Variants in SYNE2 observed in about 807,000 individuals in gnomAD.
The protein encoded by SYNE2 is nesprin-2.
SYNE2 carries 431 observed loss-of-function variants against 856.3 expected under a neutral mutation model. That is an observed-to-expected ratio of 0.50 (90% CI 0.47 to 0.55). The LOEUF (loss-of-function observed/expected upper bound fraction) is 0.55. SYNE2 is among the 20% of genes least tolerant of loss of function. The pLI, the probability that SYNE2 is intolerant of heterozygous loss-of-function variation, is 0.00. For synonymous variants in SYNE2, 2,923 were observed against 2,872.3 expected (o/e 1.02, Z -0.56); for missense variants, 8,129 against 8,023.2 (o/e 1.01, Z -0.50).
At chr14:63,789,167 C>G (rs1887643218) in intron 1 of SYNE2, among the ~76,000 whole-genome samples, 1 of 152,166 alleles carries the variant, frequency 6.6e-6, no homozygotes. Context: ...TCTGATGCAT[C>G]AAATATTTCA....
chr14:64,013,439 A>C lies in SYNE2; in HGVS notation c.4729-3034A>C, dbSNP rs147522264. Among the ~76,000 whole-genome samples the C allele has an allele frequency of 2.6e-5, 4 of 151,916 alleles. No homozygotes were observed. In the East Asian group the frequency reaches 7.7e-4, roughly 29 times the overall value. ...GGAACCTATCACCCAAATAGTGGAC[A>C]TTGTACCCAATAGGTAAATTTTCAG... On this transcript the variant is annotated intron_variant, in intron 32 of 115. Transcript: ENST00000555002.
intron 83 of SYNE2, among the ~76,000 whole-genome samples, chr14:64,144,258 T>C (rs2098163700): frequency 2.0e-5 from 3 of 152,208 alleles, no homozygotes; most frequent in Admixed American, 1.3e-4. Flanking sequence ...ACATTTTCTA[T>C]GAAAGCAGAT....
intron 96 of SYNE2, among the ~76,000 whole-genome samples, chr14:64,179,368 G>A (rs2098448163): frequency 6.6e-6 from 1 of 151,914 alleles, no homozygotes; most frequent in Non-Finnish European, 1.5e-5. Flanking sequence ...TGAACTCCTG[G>A]GGCCTCAAGC....
At chr14:64,068,438 T>G (rs1255971) in intron 51 of SYNE2, among the ~76,000 whole-genome samples, 111,787 of 151,974 alleles carry the variant, frequency 0.74, 43,597 homozygotes, top group Non-Finnish European at 0.87. Context: ...TTGAAATTCT[T>G]GCTGCTGCTT....
chr14:64,142,229 T>A, intron 82 of SYNE2, 141 bp downstream of exon 82: 1 of 984,404 alleles, frequency 1.0e-6, no homozygotes. Flanking sequence ...TGGATGATTC[T>A]GGAGAGATGT....
intron 11 of SYNE2, among the ~76,000 whole-genome samples, chr14:63,970,751 C>T (rs1433629592): frequency 4.2e-5 from 6 of 143,096 alleles, no homozygotes; most frequent in Admixed American, 3.0e-4. Flanking sequence ...CCTCCGGGTT[C>T]GAGCGATTCT....
intron 1 of SYNE2, among the ~76,000 whole-genome samples, chr14:63,887,678 G>T (rs73263898): frequency 4.1e-4 from 61 of 150,524 alleles, no homozygotes; most frequent in African/African-American, 1.4e-3. Flanking sequence ...CCCATTCCTA[G>T]TATTTGAAAT....
chr14:63,885,898 T>A (rs1434378253), intron 1 of SYNE2, among the ~76,000 whole-genome samples: 1 of 152,194 alleles, frequency 6.6e-6, no homozygotes, highest in Non-Finnish European at 1.5e-5. Context: ...TCCTTTCCCA[T>A]GGGGAGATAA....
chr14:63,867,406 A>C (rs1410801114), intron 1 of SYNE2, among the ~76,000 whole-genome samples: 2 of 146,104 alleles, frequency 1.4e-5, no homozygotes, highest in African/African-American at 2.5e-5. Context: ...AAAGAGAGAG[A>C]GAGAGAAAGG....
intron 50 of SYNE2, among the ~76,000 whole-genome samples, chr14:64,064,994 A>C (rs778876991): frequency 1.1e-4 from 17 of 151,774 alleles, no homozygotes; most frequent in Non-Finnish European, 2.2e-4. Context: ...CCTCCTGAGT[A>C]GCTGGGACTA....
intron 2 of SYNE2, among the ~76,000 whole-genome samples, chr14:63,912,975 C>G (rs1322720323): frequency 6.6e-6 from 1 of 152,106 alleles, no homozygotes; most frequent in East Asian, 1.9e-4. Flanking sequence ...GCTCTGTCAC[C>G]CAGGCTGGAG....
intron 73 of SYNE2, among the ~76,000 whole-genome samples, chr14:64,127,608 C>T (rs1456009956): frequency 6.6e-6 from 1 of 152,096 alleles, no homozygotes; most frequent in Non-Finnish European, 1.5e-5. Context: ...GAATGACAAT[C>T]CGTGTATGTT....
At chr14:63,909,617 G>A (rs1237623519) in intron 2 of SYNE2, among the ~76,000 whole-genome samples, 3 of 152,112 alleles carry the variant, frequency 2.0e-5, no homozygotes, top group South Asian at 2.1e-4. Context: ...CGAGGCGGGC[G>A]GATCACCCAA....
chr14:64,221,637 A>G lies in SYNE2; in HGVS notation c.20123A>G (p.Gln6708Arg), dbSNP rs893769089. Residue 6708 changes from glutamine to arginine, a missense_variant, in exon 112 of 116, where the codon CAG (glutamine) becomes CGG (arginine). Gln to Arg is a conservative substitution (Grantham distance 43). Transcript: ENST00000555002. ...LWLASAKNRRQKAHVTDPKAD... is the reference protein window; with the variant it reads ...LWLASAKNRRRKAHVTDPKAD... The stretch of plus-strand genomic sequence containing the variant: ...TTAGCGAGTGCCAAGAACCGGAGGC[A>G]GAAGGCTCATGTCACCGATCCAAAG... The G allele has an allele frequency of 3.1e-6, 5 of 1,614,190 alleles. No homozygotes were observed. The highest frequency in any genetic ancestry group is 4.2e-6 in the Non-Finnish European group (5 of 1,180,030).
chr14:63,930,621 G>A (rs1195710284), intron 2 of SYNE2, among the ~76,000 whole-genome samples: 1 of 148,830 alleles, frequency 6.7e-6, no homozygotes, highest in African/African-American at 2.5e-5. Context: ...GCAAACCTTC[G>A]CCTCCCAAGT....
chr14:64,148,831 G>A (rs954489109), intron 84 of SYNE2, among the ~76,000 whole-genome samples: 5 of 152,272 alleles, frequency 3.3e-5, no homozygotes, highest in Admixed American at 6.5e-5. Flanking sequence ...TCGTCTACCA[G>A]ATTGTGGGAT....
At chr14:63,980,353 G>A (rs2096576434) in intron 14 of SYNE2, among the ~76,000 whole-genome samples, 1 of 152,210 alleles carries the variant, frequency 6.6e-6, no homozygotes, top group Non-Finnish European at 1.5e-5. Context: ...CAAAGTAGGA[G>A]ATCCTGAAAT....
At chr14:63,837,270 A>G (rs1316741997) in intron 1 of SYNE2, among the ~76,000 whole-genome samples, 1 of 152,244 alleles carries the variant, frequency 6.6e-6, no homozygotes. Context: ...GGACCCCTAC[A>G]TCACACAATA....
intron 23 of SYNE2, among the ~76,000 whole-genome samples, chr14:63,996,106 C>T (rs971841286): frequency 3.3e-5 from 5 of 152,168 alleles, no homozygotes; most frequent in African/African-American, 9.7e-5. Context: ...CAAAACTGAA[C>T]GAATAATATC....
Sources: gnomAD v4.1 joint callset for allele counts (sites outside exome capture counted in the v4.1 genomes callset) on GRCh38, gnomAD v4.1.1 for gene constraint, MANE v1.5 for transcripts, NCBI Gene and HGNC (gene_info 2026-07-23, HGNC 2026-07-21) for gene names.